PCLO: variants seen among roughly 807,000 people sequenced by gnomAD.
PCLO encodes the protein piccolo presynaptic cytomatrix protein.
A neutral mutation model predicts 427.5 loss-of-function variants in PCLO; 82 were observed. The observed-to-expected ratio is 0.19, with a 90% CI of 0.16 to 0.23. The LOEUF (loss-of-function observed/expected upper bound fraction) is 0.23, where lower values mean the gene tolerates loss of function less well. Among genes scored for constraint, PCLO ranks in the 10% least tolerant of loss-of-function variants. The pLI is 1.00. For missense variants in PCLO, 6,239 were observed against 6,115.9 expected (o/e 1.02, Z -0.67); for synonymous variants, 2,357 against 2,155.4 (o/e 1.09, Z -2.59).
intron 18 of PCLO, among the ~76,000 whole-genome samples, chr7:82,825,846 A>C (rs1405355744): frequency 3.4e-5 from 5 of 148,266 alleles, no homozygotes; most frequent in Non-Finnish European, 4.5e-5. Flanking sequence ...CATATAATGT[A>C]AATGTGTATA....
Position 82,965,978 on chromosome 7 carries a change from T to C in PCLO, c.3810A>G (p.Gln1270=), listed in dbSNP as rs773311286. ...QKHDLLKSQV[Q]IAEEKLEGRV... ...TGCCTTCAAGCTTTTCTTCAGCAAT[T>C]TGTACTTGAGATTTAAGTAAGTCAT... is the stretch of plus-strand genomic sequence containing the variant. Residue 1270 remains glutamine (Q), a synonymous_variant, in exon 4 of 25, where the codon CAA becomes CAG. Coordinates refer to ENST00000333891, the MANE Select transcript of PCLO (RefSeq NM_033026.6). The C allele has an allele frequency of 2.5e-6, 4 of 1,613,864 alleles. No homozygotes were observed. Among genetic ancestry groups the C allele is most frequent in the Non-Finnish European group, 3.4e-6 (4 of 1,179,862 alleles).
chr7:83,025,333 C>A (rs544106731), intron 3 of PCLO, among the ~76,000 whole-genome samples: 1 of 150,610 alleles, frequency 6.6e-6, no homozygotes, highest in Admixed American at 6.6e-5. Flanking sequence ...CCGATGCGAT[C>A]AACTGGAAGA....
At chr7:82,805,651 G>C (rs374106733) in intron 21 of PCLO, 37 bp downstream of exon 21, 4 of 1,600,098 alleles carry the variant, frequency 2.5e-6, no homozygotes, top group Non-Finnish European at 3.4e-6. Flanking sequence ...TCATGATGCT[G>C]AGTAAGCTTT....
intron 3 of PCLO, among the ~76,000 whole-genome samples, chr7:83,084,507 A>G (rs956155832): frequency 1.2e-4 from 19 of 152,268 alleles, no homozygotes; most frequent in Admixed American, 9.8e-4. Flanking sequence ...CTGATACTAA[A>G]AATTAAATAA....
chr7:82,831,945 T>C (rs1158198729), intron 16 of PCLO, among the ~76,000 whole-genome samples: 1 of 152,264 alleles, frequency 6.6e-6, no homozygotes, highest in Non-Finnish European at 1.5e-5. Context: ...AAAATAGTCA[T>C]ATCAAAATCT....
Position 82,908,030 on chromosome 7 carries a change from G to A in PCLO, c.13437+847C>T, listed in dbSNP as rs371562659. 5.3e-5 allele frequency among the ~76,000 whole-genome samples: 8 copies of A among 152,052 alleles called. No individual in the cohort carries two copies. The East Asian group carries it at 1.4e-3, about 26-fold the overall frequency. The stretch of plus-strand genomic sequence containing the variant: ...TCTATTTCAATTAATCACTAAACAG[G>A]ATGATTAGGGGTTTATGTAAATAAA... On this transcript the variant is annotated intron_variant, in intron 8 of 24. Transcript: ENST00000333891.
At chr7:82,780,297 A>G (rs1790844899) in intron 22 of PCLO, among the ~76,000 whole-genome samples, 1 of 152,218 alleles carries the variant, frequency 6.6e-6, no homozygotes, top group African/African-American at 2.4e-5. Context: ...ATTAAAGTTG[A>G]AATTATTAAG....
intron 15 of PCLO, 123 bp from the exon 16 acceptor site, chr7:82,835,816 C>T (rs958472533): frequency 3.8e-5 from 28 of 731,038 alleles, no homozygotes; most frequent in Admixed American, 1.7e-4. Flanking sequence ...GGAGCTATCC[C>T]ATAACATAAA....
rs552843875 is a variant in PCLO, at chr7:82,942,664, A to C, written c.11112+6812T>G. Reference sequence around the variant, plus strand: ...TTAAAATAATATCTTTCCAATTACTAATGACCATAAATTATTTTACTGACA... The same window carrying C: ...TTAAAATAATATCTTTCCAATTACTCATGACCATAAATTATTTTACTGACA... On this transcript the variant is annotated intron_variant, in intron 6 of 24. Transcript: ENST00000333891. Among the ~76,000 whole-genome samples the C allele has an allele frequency of 1.2e-4, 18 of 152,266 alleles. 1 individual carries two copies. In the South Asian group the frequency reaches 1.4e-3, roughly 12 times the overall value.
intron 7 of PCLO, among the ~76,000 whole-genome samples, chr7:82,913,658 CTAGA>C (rs1794377049): frequency 6.6e-6 from 1 of 151,716 alleles, no homozygotes. Flanking sequence ...TAGACTTGGA[CTAGA>C]TAATTTTCAA....
chr7:83,103,694 CT>C (rs1790789806), intron 3 of PCLO, among the ~76,000 whole-genome samples: 1 of 151,882 alleles, frequency 6.6e-6, no homozygotes, highest in Non-Finnish European at 1.5e-5. Flanking sequence ...AAGATGATCA[CT>C]AAAATTTCAA....
chr7:83,119,167 C>T (rs185685096), intron 3 of PCLO, among the ~76,000 whole-genome samples: 210 of 152,214 alleles, frequency 1.4e-3, no homozygotes, highest in Non-Finnish European at 2.6e-3. Flanking sequence ...CTTGAATAAA[C>T]GTCAGTGGTA....
intron 3 of PCLO, among the ~76,000 whole-genome samples, chr7:83,038,011 A>ATATATT (rs1788845620): frequency 8.9e-5 from 4 of 44,972 alleles, no homozygotes; most frequent in African/African-American, 4.5e-4. Context: ...ATATATATAT[A>ATATATT]TATATATATA....
intron 3 of PCLO, among the ~76,000 whole-genome samples, chr7:83,012,700 A>G (rs894854468): frequency 6.6e-6 from 1 of 151,728 alleles, no homozygotes; most frequent in Non-Finnish European, 1.5e-5. Context: ...ATTCATAATC[A>G]ATTAACCTCT....
intron 22 of PCLO, among the ~76,000 whole-genome samples, chr7:82,800,678 C>T (rs960702841): frequency 6.6e-6 from 1 of 152,066 alleles, no homozygotes; most frequent in Non-Finnish European, 1.5e-5. Flanking sequence ...TTACTGCAAA[C>T]TCTGCCTCCT....
rs763246635 is a variant in PCLO at position 82,954,880 on chromosome 7, G to T, written c.6073C>A (p.Pro2025Thr). 3 of 1,613,768 alleles carry T rather than the reference G, an allele frequency of 1.9e-6. No individual in the cohort carries two copies. Among genetic ancestry groups the T allele is most frequent in the East Asian group, 4.5e-5 (2 of 44,874 alleles). Residue 2025 changes from proline to threonine, a missense_variant, in exon 5 of 25, where the codon CCT becomes ACT. By Grantham distance (38) the Pro-to-Thr change is conservative (BLOSUM62 -1). Transcript: ENST00000333891. ...GAGCTTGAAACAATATCTTCCTGAG[G>T]CACAACAGAATGTAAGCTTTCTAAC... Reference protein sequence around the residue: ...YELESLHSVVPQEDIVSSSFI... With the variant: ...YELESLHSVVTQEDIVSSSFI...
In PCLO at chr7:82,822,645, T is replaced by A; in HGVS notation, c.14641A>T (p.Ser4881Cys). The A allele has an allele frequency of 6.2e-7, 1 of 1,613,720 alleles. No homozygotes were observed. The highest frequency in any genetic ancestry group is 1.1e-5 in the South Asian group (1 of 91,078). The stretch of plus-strand genomic sequence containing the variant: ...TGGCCTTCTGATGATGATTTTGAGC[T>A]ACCAGGACTACTATGGGATTTCTCA... ...TIEKSHSSPG[S>C]SKSSSEGHLR... is the part of the protein sequence containing the mutation. The change falls in exon 20 of 25, where the codon AGC becomes TGC. Residue 4881 changes from serine (S) to cysteine (C), a missense_variant. Ser to Cys is a moderately radical substitution (Grantham distance 112). Transcript: ENST00000333891.
chr7:82,905,159 G>T (rs1794156182), intron 8 of PCLO, among the ~76,000 whole-genome samples: 1 of 152,054 alleles, frequency 6.6e-6, no homozygotes. Flanking sequence ...GATGGTCTCT[G>T]TTATCATTGT....
Position 82,999,699 on chromosome 7 carries a change from T to C in PCLO, c.3301-33212A>G, listed in dbSNP as rs1227358195. 2.1e-5 allele frequency among the ~76,000 whole-genome samples: 2 copies of C among 94,588 alleles called. 1 individual carries two copies. The highest frequency in any genetic ancestry group is 8.2e-5 in the African/African-American group (2 of 24,448). 62.1% of individuals were successfully genotyped at this position (94,588 alleles called of 152,430 possible). ...ATATTATATATAAAATAATATATAATATTAAATATAAAATATAATATATAA... is the reference window on the plus strand; with the variant it reads ...ATATTATATATAAAATAATATATAACATTAAATATAAAATATAATATATAA... On this transcript the variant is annotated intron_variant, in intron 3 of 24. Transcript: ENST00000333891.
Sources: gnomAD v4.1 joint callset for allele counts (sites outside exome capture counted in the v4.1 genomes callset) on GRCh38, gnomAD v4.1.1 for gene constraint, MANE v1.5 for transcripts, NCBI Gene and HGNC (gene_info 2026-07-23, HGNC 2026-07-21) for gene names.